PLEKHA5: variants seen among roughly 807,000 people sequenced by gnomAD.
PLEKHA5 encodes pleckstrin homology domain containing A5, also known as pleckstrin homology domain-containing family A member 5.
In PLEKHA5, 55 loss-of-function variants were observed where a neutral mutation model predicts 181.9. The observed-to-expected ratio is 0.30, with a 90% CI of 0.24 to 0.38. The LOEUF is 0.38. PLEKHA5 is among the 10% of genes least tolerant of loss of function. The pLI, the probability that PLEKHA5 is intolerant of heterozygous loss-of-function variation, is 1.00. For synonymous variants in PLEKHA5, 535 were observed against 529.4 expected, an observed-to-expected ratio of 1.01 and a Z score of -0.15; for missense variants, 1,432 against 1,549.5, an observed-to-expected ratio of 0.92 and a Z score of 1.27.
At chr12:19,256,438 T>C (rs1422903129) in intron 5 of PLEKHA5, among the ~76,000 whole-genome samples, 4 of 152,222 alleles carry the variant, frequency 2.6e-5, no homozygotes, top group Non-Finnish European at 5.9e-5. Context: ...TACAGTGATA[T>C]TGGTTGCCAC....
At chr12:19,354,881 A>C (rs1259401436) in intron 26 of PLEKHA5, among the ~76,000 whole-genome samples, 4 of 152,200 alleles carry the variant, frequency 2.6e-5, no homozygotes, top group Non-Finnish European at 4.4e-5. Context: ...TCATAGTCGT[A>C]GTCCACAATT....
At position 19,314,958 on chromosome 12, in the gene PLEKHA5, G is replaced by T. The variant is rs191134425; in HGVS notation, c.2118+64G>T. 9.5e-6 allele frequency: 8 copies of T among 843,998 alleles called. No homozygotes were observed. The Admixed American group carries it at 1.0e-4, about 11-fold the overall frequency. The allele number at this position is 843,998 out of a possible 1,614,324, so 52.3% of individuals were successfully genotyped here. A position where few individuals can be genotyped will look rare whatever the true frequency, so the allele number is the denominator to read the frequency against. On this transcript the variant is annotated intron_variant, in intron 16 of 31. Transcript: ENST00000429027. ...TGCAAAATCCCTCAGTGACAGTTTT[G>T]ATTTATTCTCAGATTTACTCATGAC... is the stretch of plus-strand genomic sequence containing the variant.
intron 9 of PLEKHA5, 77 bp from the exon 10 acceptor site, chr12:19,270,110 TA>T (rs2072144059): frequency 1.2e-6 from 1 of 850,328 alleles, no homozygotes; most frequent in Non-Finnish European, 1.7e-6. Context: ...TTTTCTTCTT[TA>T]TTCATTTTCA....
At chr12:19,334,816 C>CAAAAA in intron 20 of PLEKHA5, among the ~76,000 whole-genome samples, 1 of 1,834 alleles carries the variant, frequency 5.5e-4, no homozygotes, top group African/African-American at 8.1e-4. Context: ...ATCCTGTCTT[C>CAAAAA]ACAAAAAAAA....
At chr12:19,342,226 T>C (rs2093990945) in intron 21 of PLEKHA5, among the ~76,000 whole-genome samples, 1 of 152,196 alleles carries the variant, frequency 6.6e-6, no homozygotes, top group South Asian at 2.1e-4. Flanking sequence ...TTTAGTATTA[T>C]CCAGAATGGT....
chr12:19,345,737 T>G (rs1025622297), intron 22 of PLEKHA5, 105 bp from the exon 23 acceptor site: 2 of 568,614 alleles, frequency 3.5e-6, no homozygotes, highest in African/African-American at 3.9e-5. Context: ...CACTCCAGCT[T>G]GGGCAAACAG....
intron 3 of PLEKHA5, among the ~76,000 whole-genome samples, chr12:19,144,573 A>C (rs1175365582): frequency 1.3e-5 from 2 of 152,216 alleles, no homozygotes; most frequent in Non-Finnish European, 2.9e-5. Context: ...TAGGAGTGCA[A>C]ATACAAGGAG....
intron 30 of PLEKHA5, among the ~76,000 whole-genome samples, chr12:19,368,213 G>A (rs1025489707): frequency 6.6e-6 from 1 of 152,192 alleles, no homozygotes; most frequent in African/African-American, 2.4e-5. Context: ...AGTATGAGCT[G>A]GGTGCAGTGG....
chr12:19,288,759 G>A (rs1269794907), intron 13 of PLEKHA5, among the ~76,000 whole-genome samples: 1 of 152,184 alleles, frequency 6.6e-6, no homozygotes, highest in African/African-American at 2.4e-5. Context: ...CTGACAAATA[G>A]TCATTAATCA....
intron 3 of PLEKHA5, among the ~76,000 whole-genome samples, chr12:19,193,764 A>G (rs1168596486): frequency 1.3e-5 from 2 of 152,156 alleles, no homozygotes; most frequent in Non-Finnish European, 2.9e-5. Context: ...TTATAAAGAA[A>G]AGAAATTTAA....
intron 3 of PLEKHA5, among the ~76,000 whole-genome samples, chr12:19,250,890 A>G (rs1017543240): frequency 5.3e-5 from 8 of 152,182 alleles, no homozygotes; most frequent in African/African-American, 1.9e-4. Context: ...CAAAAAACGC[A>G]GGGCTTGGGG....
chr12:19,200,432 G>A (rs1333399507), intron 3 of PLEKHA5: 1 of 1,488,302 alleles, frequency 6.7e-7, no homozygotes, highest in Non-Finnish European at 8.9e-7. Context: ...ACTAATACTA[G>A]TTGACAAAAC....
intron 3 of PLEKHA5, among the ~76,000 whole-genome samples, chr12:19,179,614 T>A (rs1190315927): frequency 1.3e-5 from 2 of 152,140 alleles, no homozygotes; most frequent in Non-Finnish European, 1.5e-5. Flanking sequence ...GAGCCAAGAC[T>A]GCACCGTTGG....
chr12:19,360,254 G>A (rs1780499482), intron 28 of PLEKHA5, among the ~76,000 whole-genome samples: 1 of 151,152 alleles, frequency 6.6e-6, no homozygotes, highest in African/African-American at 2.4e-5. Context: ...GATCACCTGA[G>A]CCCAAGTCGC....
intron 3 of PLEKHA5, chr12:19,149,774 G>C (rs2039936654): frequency 6.6e-6 from 1 of 152,168 alleles, no homozygotes; most frequent in Admixed American, 6.6e-5. Context: ...GCCCAGGCTT[G>C]CTGTGATTGA....
intron 12 of PLEKHA5, among the ~76,000 whole-genome samples, chr12:19,285,080 T>C (rs556459581): frequency 6.6e-6 from 1 of 152,364 alleles, no homozygotes; most frequent in Admixed American, 6.5e-5. Flanking sequence ...ATTAATAGAT[T>C]AATCAGGAAT....
intron 3 of PLEKHA5, among the ~76,000 whole-genome samples, chr12:19,221,744 A>G (rs1565483473): frequency 6.6e-6 from 1 of 152,176 alleles, no homozygotes; most frequent in Non-Finnish European, 1.5e-5. Context: ...TGCTCACCTA[A>G]TTAACTTTGG....
intron 3 of PLEKHA5, chr12:19,200,316 T>A: frequency 6.6e-7 from 1 of 1,526,336 alleles, no homozygotes; most frequent in Non-Finnish European, 8.8e-7. Flanking sequence ...TTATCCTTTA[T>A]CCTTCCAGCT....
chr12:19,330,255 A>T (rs998647592), intron 20 of PLEKHA5, among the ~76,000 whole-genome samples: 1 of 152,172 alleles, frequency 6.6e-6, no homozygotes, highest in Non-Finnish European at 1.5e-5. Flanking sequence ...TAAACATGGG[A>T]GTTAACAATT....
Sources: gnomAD v4.1 joint callset for allele counts (sites outside exome capture counted in the v4.1 genomes callset) on GRCh38, gnomAD v4.1.1 for gene constraint, MANE v1.5 for transcripts, NCBI Gene and HGNC (gene_info 2026-07-23, HGNC 2026-07-21) for gene names.